The following NDUFA9 variants were observed in gnomAD, a reference collection of about 807,000 sequenced individuals.
NDUFA9 encodes NADH:ubiquinone oxidoreductase subunit A9.
NDUFA9 carries 23 observed loss-of-function variants against 45.9 expected under a neutral mutation model. The observed-to-expected ratio is 0.50, with a 90% confidence interval of 0.36 to 0.71. NDUFA9 has a LOEUF of 0.71. Ranked by LOEUF, NDUFA9 falls within the 30% of genes least tolerant of loss-of-function variation. The probability of loss-of-function intolerance (pLI) is 0.00; values close to 1 mark genes in which losing one functional copy is unlikely to be tolerated. For missense variants in NDUFA9, 466 were observed against 488.2 expected (o/e 0.95, Z 0.43); for synonymous variants, 176 against 170.5 (o/e 1.03, Z -0.25).
rs182945767 is a variant in NDUFA9, at chr12:4,682,452, G to A, written c.896+152G>A. The stretch of plus-strand genomic sequence containing the variant: ...TTAGCATAGAGAAGAAGCAGAAATA[G>A]ATTAGTGTTGGTTAAAAAAAAATAT... On this transcript the variant is annotated intron_variant, in intron 9 of 10. Coordinates refer to ENST00000266544, the MANE Select transcript of NDUFA9 (RefSeq NM_005002.5). 1.4e-4 allele frequency: 60 copies of A among 442,914 alleles called. 2 individuals carry two copies. The highest frequency in any genetic ancestry group is 1.1e-3 in the African/African-American group (56 of 49,860). The allele number at this position is 442,914 out of a possible 1,614,324, so 27.4% of individuals were successfully genotyped here. A position where few individuals can be genotyped will look rare whatever the true frequency, so the allele number is the denominator to read the frequency against.
At position 4,649,150 on chromosome 12, in the gene NDUFA9, G is replaced by A. The variant is rs1394501274; in HGVS notation, c.24G>A (p.Arg8=). 1 of 1,605,296 alleles carries A rather than the reference G, an allele frequency of 6.2e-7. No individual in the cohort carries two copies. Among genetic ancestry groups the A allele is most frequent in the Non-Finnish European group, 8.5e-7 (1 of 1,176,168 alleles). Reference sequence around the variant, plus strand: ...AGATGGCGGCTGCCGCACAATCCCGGGTTGTCCGGGTCCTGTCAATGTCAC... The same window carrying A: ...AGATGGCGGCTGCCGCACAATCCCGAGTTGTCCGGGTCCTGTCAATGTCAC... MAAAAQS[R]VVRVLSMSRS... Residue 8 remains arginine, a synonymous_variant, in exon 1 of 11, where the codon CGG becomes CGA. Coordinates refer to ENST00000266544, the MANE Select transcript of NDUFA9 (RefSeq NM_005002.5).
chr12:4,668,546 G>A (rs373257507), intron 7 of NDUFA9, 22 bp downstream of exon 7: 6 of 1,581,122 alleles, frequency 3.8e-6, no homozygotes, highest in African/African-American at 2.7e-5. Context: ...GATGAAGGGG[G>A]TCAGAAAGGG....
intron 5 of NDUFA9, among the ~76,000 whole-genome samples, chr12:4,661,933 C>G (rs79464158): frequency 0.062 from 9,367 of 152,054 alleles, 788 homozygotes; most frequent in African/African-American, 0.18. Context: ...AGCTCAAGAA[C>G]CTGAGAAGTC....
rs539591949 is a variant in NDUFA9, at chr12:4,673,854, G to A, written c.800+4037G>A. Among the ~76,000 whole-genome samples the A allele has an allele frequency of 2.9e-3, 437 of 152,190 alleles. 2 individuals are homozygous for A. The highest frequency in any genetic ancestry group is 4.7e-3 in the Non-Finnish European group (318 of 68,002). ...TACTCCTCGAGAAGAGCAACCACAAGACACATAATTGTCACATTCACCAAG... is the reference window on the plus strand; with the variant it reads ...TACTCCTCGAGAAGAGCAACCACAAAACACATAATTGTCACATTCACCAAG... On this transcript the variant is annotated intron_variant, in intron 8 of 10. Coordinates refer to ENST00000266544, the MANE Select transcript of NDUFA9 (RefSeq NM_005002.5).
rs771652214 is a variant in NDUFA9, at chr12:4,662,580, C to G, written c.600C>G (p.Ile200Met). 1.9e-6 allele frequency: 3 copies of G among 1,613,936 alleles called. No homozygotes were observed. Among genetic ancestry groups the G allele is most frequent in the Non-Finnish European group, 2.5e-6 (3 of 1,179,882 alleles). Residue 200 changes from isoleucine (I) to methionine (M), a missense_variant, in exon 6 of 11, where the codon ATC (isoleucine) becomes ATG (methionine). Transcript: ENST00000266544. ...VVRDAFPEAI[I>M]VKPSDIFGRE... ...GAGATGCATTTCCGGAAGCCATTAT[C>G]GTAAAGCCGTCGGACATCTTTGGAA...
At chr12:4,686,093 C>T (rs1397210181) in intron 10 of NDUFA9, among the ~76,000 whole-genome samples, 1 of 152,240 alleles carries the variant, frequency 6.6e-6, no homozygotes. Flanking sequence ...TTGTCAGACA[C>T]TTCAGTTTAT....
At chr12:4,662,978 C>A (rs971313184) in intron 6 of NDUFA9, among the ~76,000 whole-genome samples, 2 of 152,124 alleles carry the variant, frequency 1.3e-5, no homozygotes, top group Non-Finnish European at 2.9e-5. Flanking sequence ...TTGATTCTTA[C>A]CCTCCTACCC....
At position 4,687,061 on chromosome 12, in the gene NDUFA9, T is replaced by G. The variant is rs758421281; in HGVS notation, c.1087T>G (p.Ser363Ala). Residue 363 changes from serine (S) to alanine (A), a missense_variant, in exon 11 of 11, where the codon TCT becomes GCT. Ser to Ala is a moderately conservative substitution (Grantham distance 99, BLOSUM62 1). Transcript: ENST00000266544. ...LRRHRTYRWL[S>A]AEIEDVKPAK... The stretch of plus-strand genomic sequence containing the variant: ...GCGTCATCGCACTTACCGCTGGCTG[T>G]CTGCTGAAATTGAGGATGTGAAGCC... 6.2e-7 allele frequency: 1 copy of G among 1,614,190 alleles called. No individual in the cohort carries two copies.
At chr12:4,656,105 A>G (rs4147674) in intron 3 of NDUFA9, among the ~76,000 whole-genome samples, 67,342 of 152,094 alleles carry the variant, frequency 0.44, 16,652 homozygotes, top group Admixed American at 0.55. Flanking sequence ...ATATTCATAC[A>G]GATTATTTGT....
chr12:4,690,717 T>C lies in NDUFA9; in HGVS notation c.*3609T>C, dbSNP rs549581272. The C allele has an allele frequency of 6.6e-6, 1 of 150,716 alleles. No homozygotes were observed. Among genetic ancestry groups the C allele is most frequent in the South Asian group, 2.1e-4 (1 of 4,768 alleles). 9.3% of individuals were successfully genotyped at this position (150,716 alleles called of 1,614,324 possible). A position where few individuals can be genotyped will look rare whatever the true frequency, so the allele number is the denominator to read the frequency against. ...AGAGGGAGACTCTGTCTAAAATAAA[T>C]AATAATAATAATAATAATAAAGGTA... On this transcript the variant is annotated 3_prime_UTR_variant, in exon 11 of 11. Coordinates refer to ENST00000266544, the MANE Select transcript of NDUFA9 (RefSeq NM_005002.5).
At chr12:4,667,236 A>G (rs920610274) in intron 6 of NDUFA9, among the ~76,000 whole-genome samples, 19 of 152,106 alleles carry the variant, frequency 1.2e-4, no homozygotes, top group Non-Finnish European at 2.5e-4. Context: ...CCTTAATCCT[A>G]TTCATGAGGG....
At chr12:4,651,245 A>G (rs1168303729) in intron 1 of NDUFA9, among the ~76,000 whole-genome samples, 2 of 152,132 alleles carry the variant, frequency 1.3e-5, no homozygotes, top group Non-Finnish European at 2.9e-5. Flanking sequence ...TTTTAAGCAG[A>G]GAAATATAAT....
chr12:4,685,135 T>TA (rs374564173), intron 9 of NDUFA9, 124 bp from the exon 10 acceptor site: 8,828 of 682,442 alleles, frequency 0.013, 1 homozygote, highest in Non-Finnish European at 0.016. Flanking sequence ...GTTATTTTCT[T>TA]AAAAAAAAAA....
intron 5 of NDUFA9, 65 bp downstream of exon 5, chr12:4,659,242 T>C (rs1014039786): frequency 1.4e-6 from 2 of 1,401,828 alleles, no homozygotes; most frequent in Non-Finnish European, 9.9e-7. Context: ...ATTTGAAACA[T>C]GATTTCAGTG....
At position 4,687,260 on chromosome 12, in the gene NDUFA9, A is replaced by G. The variant is rs2137490659; in HGVS notation, c.*152A>G. ...TCTGCAGTATTTTCTTCCTTGATTT[A>G]CAAAATGAGAAATGTAGTCACTTAG... On this transcript the variant is annotated 3_prime_UTR_variant, in exon 11 of 11. Coordinates refer to ENST00000266544, the MANE Select transcript of NDUFA9 (RefSeq NM_005002.5). The G allele has an allele frequency of 1.4e-6, 1 of 696,794 alleles. No homozygotes were observed. Among genetic ancestry groups the G allele is most frequent in the Non-Finnish European group, 2.2e-6 (1 of 448,152 alleles). The allele number at this position is 696,794 out of a possible 1,614,324, so 43.2% of individuals were successfully genotyped here.
chr12:4,654,250 T>C, intron 1 of NDUFA9, 42 bp from the exon 2 acceptor site: 1 of 1,546,392 alleles, frequency 6.5e-7, no homozygotes, highest in Non-Finnish European at 8.8e-7. Context: ...TTTAAAAATA[T>C]TAATATTTGC....
In NDUFA9 at chr12:4,688,519, C is replaced by G. The variant is rs1946000989; in HGVS notation, c.*1411C>G. The stretch of plus-strand genomic sequence containing the variant: ...AAAAGGCAGAATCCTAGGTTTTGTC[C>G]TGTCCCAGGCGTGTTGAATCAGAAT... On this transcript the variant is annotated 3_prime_UTR_variant, in exon 11 of 11. Transcript: ENST00000266544. 1 of 150,690 alleles carries G rather than the reference C, an allele frequency of 6.6e-6. No homozygotes were observed. The highest frequency in any genetic ancestry group is 1.5e-5 in the Non-Finnish European group (1 of 67,914). 9.3% of individuals were successfully genotyped at this position (150,690 alleles called of 1,614,324 possible). A position where few individuals can be genotyped will look rare whatever the true frequency, so the allele number is the denominator to read the frequency against.
chr12:4,660,928 CAGGT>C (rs1408986192), intron 5 of NDUFA9, among the ~76,000 whole-genome samples: 1 of 151,862 alleles, frequency 6.6e-6, no homozygotes, highest in Non-Finnish European at 1.5e-5. Flanking sequence ...GGTACATTTT[CAGGT>C]AGCTTGACTG....
Position 4,685,183 on chromosome 12 carries a change from G to C in NDUFA9, c.897-76G>C, listed in dbSNP as rs762929239. Reference sequence around the variant, plus strand: ...CTGCTCTACAGCGGTCTGTCTTCCTGCAGTTCTCATAGGCTAGCTTACATC... The same window carrying C: ...CTGCTCTACAGCGGTCTGTCTTCCTCCAGTTCTCATAGGCTAGCTTACATC... On this transcript the variant is annotated intron_variant, in intron 9 of 10. Coordinates refer to ENST00000266544, the MANE Select transcript of NDUFA9 (RefSeq NM_005002.5). 6.2e-6 allele frequency: 8 copies of C among 1,292,446 alleles called. No homozygotes were observed. In the African/African-American group the frequency reaches 1.2e-4, roughly 19 times the overall value. The allele number at this position is 1,292,446 out of a possible 1,614,324, so 80.1% of individuals were successfully genotyped here.
Sources: allele counts gnomAD v4.1 joint callset (sites outside exome capture counted in the v4.1 genomes callset), GRCh38; gene constraint gnomAD v4.1.1; transcripts MANE v1.5; gene names NCBI Gene and HGNC (gene_info 2026-07-23, HGNC 2026-07-21).